SEC23A: variants seen among roughly 807,000 people sequenced by gnomAD.
SEC23A encodes protein transport protein Sec23A.
In SEC23A, 56 loss-of-function variants were observed where a neutral mutation model predicts 103.7. The observed-to-expected ratio is 0.54, with a 90% CI of 0.44 to 0.67. The LOEUF (loss-of-function observed/expected upper bound fraction) is 0.67. Among genes scored for constraint, SEC23A ranks in the 30% least tolerant of loss-of-function variants. The pLI is 0.00. For missense variants in SEC23A, 784 were observed against 936.4 expected (o/e 0.84, Z 2.12); for synonymous variants, 281 against 293.0 (o/e 0.96, Z 0.42).
At chr14:39,044,014 G>A (rs1282530285) in intron 16 of SEC23A, among the ~76,000 whole-genome samples, 2 of 151,948 alleles carry the variant, frequency 1.3e-5, no homozygotes, top group African/African-American at 4.9e-5. Flanking sequence ...CGTGGGTCAT[G>A]GTGGGGGTGT....
chr14:39,053,194 A>G (rs1403728076), intron 14 of SEC23A, among the ~76,000 whole-genome samples: 1 of 152,182 alleles, frequency 6.6e-6, no homozygotes, highest in Non-Finnish European at 1.5e-5. Flanking sequence ...AAACAGTACA[A>G]TAAGTCAAAG....
chr14:39,055,010 G>C, intron 14 of SEC23A, 133 bp downstream of exon 14: 2 of 992,688 alleles, frequency 2.0e-6, no homozygotes, highest in Non-Finnish European at 3.1e-6. Context: ...TACTGTCTCA[G>C]TAATTTGAAT....
chr14:39,046,825 G>C (rs1349212040), intron 15 of SEC23A, among the ~76,000 whole-genome samples: 1 of 152,142 alleles, frequency 6.6e-6, no homozygotes, highest in Non-Finnish European at 1.5e-5. Context: ...GGATCAGCCA[G>C]AAAGTATTCC....
At chr14:39,081,604 T>C (rs1444380991) in intron 7 of SEC23A, among the ~76,000 whole-genome samples, 2 of 152,220 alleles carry the variant, frequency 1.3e-5, no homozygotes, top group Non-Finnish European at 1.5e-5. Flanking sequence ...CTATTCTATA[T>C]ATTCTAGGAC....
intron 16 of SEC23A, 69 bp from the exon 17 acceptor site, chr14:39,042,941 T>C: frequency 1.0e-6 from 1 of 963,536 alleles, no homozygotes; most frequent in South Asian, 1.4e-5. Flanking sequence ...ATAAAATAGA[T>C]GTTTCCAGGT....
rs181824325 is a variant in SEC23A at position 39,103,081 on chromosome 14, C to A, written c.-71G>T. 68 of 152,490 alleles carry A rather than the reference C, an allele frequency of 4.5e-4. No homozygotes were observed. Among genetic ancestry groups the A allele is most frequent in the Admixed American group, 4.4e-3 (68 of 15,302 alleles). 9.4% of individuals were successfully genotyped at this position (152,490 alleles called of 1,614,324 possible). On this transcript the variant is annotated 5_prime_UTR_variant, in exon 1 of 20. Coordinates refer to ENST00000307712, the MANE Select transcript of SEC23A (RefSeq NM_006364.4). Reference sequence around the variant, plus strand: ...GAGGCGGCCCTTTCCTCACTGTCCCCCTGCAGGACCCGTCGCAGCCTCCGC... The same window carrying A: ...GAGGCGGCCCTTTCCTCACTGTCCCACTGCAGGACCCGTCGCAGCCTCCGC...
chr14:39,090,303 A>G (rs1887612485), intron 5 of SEC23A, among the ~76,000 whole-genome samples: 1 of 152,174 alleles, frequency 6.6e-6, no homozygotes, highest in Non-Finnish European at 1.5e-5. Flanking sequence ...CAAAGTACCT[A>G]CATGAACAAT....
chr14:39,079,409 G>C (rs1215973580), intron 7 of SEC23A, among the ~76,000 whole-genome samples: 1 of 152,078 alleles, frequency 6.6e-6, no homozygotes, highest in Non-Finnish European at 1.5e-5. Context: ...TATTAGAAAG[G>C]CTATTTTATC....
At chr14:39,045,121 T>C in intron 16 of SEC23A, 42 bp downstream of exon 16, 1 of 1,564,798 alleles carries the variant, frequency 6.4e-7, no homozygotes. Context: ...ATGCCACACA[T>C]TGCAGTAACA....
Position 39,075,955 on chromosome 14 carries a change from AT to A in SEC23A, c.966del (p.Lys322AsnfsTer31). 1 of 1,614,014 alleles carries A rather than the reference AT, an allele frequency of 6.2e-7. No homozygotes were observed. The highest frequency in any genetic ancestry group is 1.7e-4 in the Middle Eastern group (1 of 6,058). ...ATTACCTTAGTTCCCTTTTTAACAT[AT>A]TTGGCATTGTCTTTGTCAATGTCAT... is the stretch of plus-strand genomic sequence containing the variant. ...SWHDIDKDNA[K>X]YVKKGTKHFE... On this transcript the variant is annotated frameshift_variant, in exon 8 of 20. Coordinates refer to ENST00000307712, the MANE Select transcript of SEC23A (RefSeq NM_006364.4). LOFTEE classifies it high-confidence loss of function.
intron 1 of SEC23A, among the ~76,000 whole-genome samples, chr14:39,098,434 T>G (rs1484105835): frequency 6.6e-6 from 1 of 152,128 alleles, no homozygotes; most frequent in Non-Finnish European, 1.5e-5. Flanking sequence ...TCCTATAATT[T>G]AAGAAGCATG....
intron 15 of SEC23A, among the ~76,000 whole-genome samples, chr14:39,048,126 G>A (rs546061940): frequency 6.6e-6 from 1 of 152,228 alleles, no homozygotes; most frequent in African/African-American, 2.4e-5. Context: ...TCCAGAATAA[G>A]TCTCTATTCA....
intron 19 of SEC23A, among the ~76,000 whole-genome samples, chr14:39,034,449 A>G (rs79461346): frequency 0.022 from 3,402 of 152,362 alleles, 63 homozygotes; most frequent in South Asian, 0.033. Flanking sequence ...AAAAATCTAT[A>G]ACAATGAAAT....
chr14:39,084,570 C>A (rs950218717), intron 7 of SEC23A, among the ~76,000 whole-genome samples: 1 of 152,144 alleles, frequency 6.6e-6, no homozygotes, highest in African/African-American at 2.4e-5. Context: ...TTATACATAC[C>A]ATTTCCTATA....
chr14:39,097,807 G>A (rs1028566021), intron 1 of SEC23A, among the ~76,000 whole-genome samples: 3 of 152,154 alleles, frequency 2.0e-5, no homozygotes, highest in Non-Finnish European at 4.4e-5. Context: ...ATTTTGGGCC[G>A]GGTGCAGTGG....
chr14:39,099,161 T>TG (rs1566518788), intron 1 of SEC23A, among the ~76,000 whole-genome samples: 1 of 142,198 alleles, frequency 7.0e-6, no homozygotes, highest in African/African-American at 2.6e-5. Flanking sequence ...TGGGTTTTTT[T>TG]TTTTTTTTTT....
chr14:39,052,369 A>G (rs1222389802), intron 14 of SEC23A, among the ~76,000 whole-genome samples: 2 of 152,238 alleles, frequency 1.3e-5, no homozygotes, highest in Non-Finnish European at 2.9e-5. Context: ...AAAAGATATA[A>G]AAGAGAACAA....
At chr14:39,058,063 A>G (rs1022339504) in intron 13 of SEC23A, among the ~76,000 whole-genome samples, 4 of 152,248 alleles carry the variant, frequency 2.6e-5, no homozygotes, top group African/African-American at 9.6e-5. Context: ...TATAAATCCA[A>G]CTGATCCTGG....
chr14:39,097,145 T>C (rs1887916068), intron 1 of SEC23A, among the ~76,000 whole-genome samples: 1 of 152,222 alleles, frequency 6.6e-6, no homozygotes, highest in African/African-American at 2.4e-5. Flanking sequence ...TTAAGTTTAC[T>C]AACCAAGGGA....
Sources: gnomAD v4.1 joint callset for allele counts (sites outside exome capture counted in the v4.1 genomes callset) on GRCh38, gnomAD v4.1.1 for gene constraint, MANE v1.5 for transcripts, NCBI Gene and HGNC (gene_info 2026-07-23, HGNC 2026-07-21) for gene names.